FOXO1: variants seen among roughly 807,000 people sequenced by gnomAD.
The protein encoded by FOXO1 is forkhead box protein O1.
In FOXO1, 6 loss-of-function variants were observed where a neutral mutation model predicts 44.1. That is an observed-to-expected ratio of 0.14 (90% CI 0.07 to 0.27). The LOEUF (loss-of-function observed/expected upper bound fraction) is 0.27. Ranked by LOEUF, FOXO1 falls within the 10% of genes least tolerant of loss-of-function variation. The pLI is 1.00. For synonymous variants in FOXO1, 380 were observed against 362.7 expected (o/e 1.05, Z -0.54); for missense variants, 737 against 888.8 (o/e 0.83, Z 2.17).
chr13:40,590,827 T>C (rs1202236997), intron 1 of FOXO1, among the ~76,000 whole-genome samples: 2 of 152,158 alleles, frequency 1.3e-5, no homozygotes, highest in African/African-American at 4.8e-5. Context: ...CTGGTACAAG[T>C]AGCATTAGGA....
At chr13:40,616,333 A>G (rs1876422615) in intron 1 of FOXO1, among the ~76,000 whole-genome samples, 1 of 152,232 alleles carries the variant, frequency 6.6e-6, no homozygotes, top group Admixed American at 6.5e-5. Flanking sequence ...GGCACACAAC[A>G]AAAAATTAAG....
At chr13:40,634,892 G>C (rs945386181) in intron 1 of FOXO1, among the ~76,000 whole-genome samples, 1 of 152,034 alleles carries the variant, frequency 6.6e-6, no homozygotes, top group African/African-American at 2.4e-5. Flanking sequence ...TGGCCAGGCT[G>C]GTCTCGAACT....
At chr13:40,632,401 C>A (rs1420683725) in intron 1 of FOXO1, among the ~76,000 whole-genome samples, 3 of 152,234 alleles carry the variant, frequency 2.0e-5, no homozygotes, top group African/African-American at 7.2e-5. Context: ...CACAATTTAA[C>A]AATGGGCAAA....
intron 1 of FOXO1, among the ~76,000 whole-genome samples, chr13:40,583,936 A>AT (rs1017505607): frequency 1.3e-5 from 2 of 152,190 alleles, no homozygotes; most frequent in African/African-American, 4.8e-5. Flanking sequence ...AAGCTGAATC[A>AT]TTTCTAGCCT....
chr13:40,625,501 T>A (rs1212724095), intron 1 of FOXO1, among the ~76,000 whole-genome samples: 1 of 152,136 alleles, frequency 6.6e-6, no homozygotes, highest in East Asian at 1.9e-4. Flanking sequence ...AGCAGAAAAT[T>A]CGTATGTGGC....
chr13:40,648,493 C>T (rs1055635096), intron 1 of FOXO1, among the ~76,000 whole-genome samples: 1 of 152,184 alleles, frequency 6.6e-6, no homozygotes, highest in Admixed American at 6.5e-5. Context: ...TATTATTGTG[C>T]ACTATTTTCA....
intron 1 of FOXO1, 101 bp downstream of exon 1, chr13:40,665,482 C>T (rs1878199505): frequency 1.9e-6 from 2 of 1,050,662 alleles, no homozygotes; most frequent in Admixed American, 8.4e-5. Flanking sequence ...GAACGCGCTG[C>T]CCTCCTGCTC....
At chr13:40,640,406 T>C (rs1250984848) in intron 1 of FOXO1, among the ~76,000 whole-genome samples, 1 of 152,226 alleles carries the variant, frequency 6.6e-6, no homozygotes, top group South Asian at 2.1e-4. Context: ...TCTCTAAGTA[T>C]CGTCCAAAGC....
chr13:40,647,335 T>C (rs1877543502), intron 1 of FOXO1, among the ~76,000 whole-genome samples: 1 of 152,204 alleles, frequency 6.6e-6, no homozygotes, highest in African/African-American at 2.4e-5. Flanking sequence ...GGGACTCTTG[T>C]GCAAACATAA....
intron 1 of FOXO1, among the ~76,000 whole-genome samples, chr13:40,639,584 C>T (rs936346620): frequency 6.6e-6 from 1 of 152,214 alleles, no homozygotes; most frequent in Non-Finnish European, 1.5e-5. Flanking sequence ...GCACTACTGA[C>T]ACACATAGTG....
At chr13:40,628,541 A>C (rs1202756247) in intron 1 of FOXO1, among the ~76,000 whole-genome samples, 1 of 152,020 alleles carries the variant, frequency 6.6e-6, no homozygotes, top group Non-Finnish European at 1.5e-5. Context: ...CGTCCTCTTC[A>C]GCTTTTTTGT....
intron 1 of FOXO1, among the ~76,000 whole-genome samples, chr13:40,623,172 C>T (rs961707624): frequency 6.6e-6 from 1 of 151,826 alleles, no homozygotes; most frequent in African/African-American, 2.4e-5. Context: ...ACAAAACTGG[C>T]TTCTAAAAAA....
chr13:40,625,281 AT>A (rs1876749837), intron 1 of FOXO1, among the ~76,000 whole-genome samples: 1 of 152,238 alleles, frequency 6.6e-6, no homozygotes, highest in Non-Finnish European at 1.5e-5. Context: ...TATACTAATG[AT>A]TGAGTACTAA....
At chr13:40,603,040 A>G (rs892065889) in intron 1 of FOXO1, among the ~76,000 whole-genome samples, 2 of 152,176 alleles carry the variant, frequency 1.3e-5, no homozygotes, top group Admixed American at 6.6e-5. Context: ...CAACTAGGCC[A>G]CTAATGCAGA....
intron 1 of FOXO1, among the ~76,000 whole-genome samples, chr13:40,586,956 T>C (rs899544085): frequency 7.2e-5 from 11 of 152,188 alleles, no homozygotes; most frequent in Non-Finnish European, 1.5e-4. Context: ...ATACCACCAC[T>C]TAAGATATTT....
chr13:40,593,473 T>G (rs1245484165), intron 1 of FOXO1, among the ~76,000 whole-genome samples: 2 of 152,226 alleles, frequency 1.3e-5, no homozygotes, highest in African/African-American at 4.8e-5. Context: ...TGTCACTGTC[T>G]TCTTCCTAGG....
At chr13:40,585,582 A>G (rs1875134110) in intron 1 of FOXO1, among the ~76,000 whole-genome samples, 1 of 152,228 alleles carries the variant, frequency 6.6e-6, no homozygotes, top group Admixed American at 6.5e-5. Flanking sequence ...TTCTGACTTC[A>G]GGGTGGAAGT....
In FOXO1 at chr13:40,560,254, TGG is replaced by T; in HGVS notation, c.1235_1236del (p.Thr412LysfsTer34). On this transcript the variant is annotated frameshift_variant, in exon 2 of 3. Coordinates refer to ENST00000379561, the MANE Select transcript of FOXO1 (RefSeq NM_002015.4). LOFTEE classifies it high-confidence loss of function. This position sits in a 1 kb window ranked among gnomAD's most constrained non-coding sequence, Gnocchi z 5.1. ...TPCYSFAPPNTSLNSPSPNYQ... is the reference protein window; with the variant it reads ...TPCYSFAPPNXSLNSPSPNYQ... ...TAGTTTGGGCTGGGTGAATTCAAAC[TGG>T]TGTTTGGTGGCGCAAACGAGTAGCA... The T allele has an allele frequency of 1.2e-6, 2 of 1,614,182 alleles. No individual in the cohort carries two copies. The highest frequency in any genetic ancestry group is 1.7e-6 in the Non-Finnish European group (2 of 1,180,024).
At chr13:40,629,767 T>G (rs1291515127) in intron 1 of FOXO1, among the ~76,000 whole-genome samples, 2 of 152,198 alleles carry the variant, frequency 1.3e-5, no homozygotes, top group Non-Finnish European at 2.9e-5. Flanking sequence ...GGCCCTTGCT[T>G]CACATGCTCA....
Sources: gnomAD v4.1 joint callset for allele counts (sites outside exome capture counted in the v4.1 genomes callset) on GRCh38, gnomAD v4.1.1 for gene constraint, Gnocchi (gnomAD v3.1) non-coding constraint, MANE v1.5 for transcripts, NCBI Gene and HGNC (gene_info 2026-07-23, HGNC 2026-07-21) for gene names.